BTD: variants seen among roughly 807,000 people sequenced by gnomAD.
BTD encodes the protein biotinidase, also known as biocytinase.
A neutral mutation model predicts 17.7 loss-of-function variants in BTD; 13 were observed. The observed-to-expected ratio is 0.74, with a 90% CI of 0.48 to 1.17. BTD has a LOEUF of 1.17. Ranked by LOEUF, BTD falls within the 50% of genes most tolerant of loss-of-function variation. The probability of loss-of-function intolerance (pLI) is 0.00; values close to 1 mark genes in which losing one functional copy is unlikely to be tolerated. For missense variants in BTD, 674 were observed against 650.4 expected, an observed-to-expected ratio of 1.04 and a Z score of -0.39; for synonymous variants, 240 against 245.2, an observed-to-expected ratio of 0.98 and a Z score of 0.20.
intron 3 of BTD, among the ~76,000 whole-genome samples, chr3:15,709,104 T>C (rs2071870209): frequency 6.6e-6 from 1 of 152,316 alleles, no homozygotes; most frequent in African/African-American, 2.4e-5. Context: ...GCCTGCTGAA[T>C]GACTACAAAG....
chr3:15,687,496 T>C (rs535187018), intron 3 of BTD, among the ~76,000 whole-genome samples: 2 of 152,286 alleles, frequency 1.3e-5, no homozygotes, highest in South Asian at 2.1e-4. Flanking sequence ...CCTGTTAATA[T>C]ATACAAAGTC....
Position 15,601,808 on chromosome 3 carries a change from C to A in BTD, c.-103C>A, listed in dbSNP as rs2064252443. On this transcript the variant is annotated 5_prime_UTR_variant, in exon 1 of 4. Coordinates refer to ENST00000643237, the MANE Select transcript of BTD (RefSeq NM_001370658.1). ...ACTCTGAGGCCTCTCGCCATTGTCT[C>A]CGAGTCGGCCAGCTGGAGCGTTTTC... is the stretch of plus-strand genomic sequence containing the variant. 1 of 1,614,116 alleles carries A rather than the reference C, an allele frequency of 6.2e-7. No homozygotes were observed. The highest frequency in any genetic ancestry group is 8.5e-7 in the Non-Finnish European group (1 of 1,180,024).
chr3:15,712,239 A>C, exon 4 of BTD: 2 of 1,548,730 alleles, frequency 1.3e-6, no homozygotes, highest in Non-Finnish European at 1.8e-6. Flanking sequence ...TTAATAGAAC[A>C]GGACAGTATC....
chr3:15,661,280 A>G (rs1469236099), intron 3 of BTD, among the ~76,000 whole-genome samples: 2 of 149,042 alleles, frequency 1.3e-5, no homozygotes, highest in Admixed American at 6.7e-5. Context: ...AAAAAAAAAA[A>G]AAAAAAAAAA....
intron 1 of BTD, among the ~76,000 whole-genome samples, chr3:15,605,247 A>G (rs1255217082): frequency 6.6e-6 from 1 of 152,230 alleles, no homozygotes; most frequent in East Asian, 1.9e-4. Flanking sequence ...GTGGAAGATG[A>G]AGGAGGAGCA....
exon 4 of BTD, chr3:15,711,138 A>G (rs1575313757): frequency 7.7e-7 from 1 of 1,301,156 alleles, no homozygotes; most frequent in East Asian, 2.4e-5. Flanking sequence ...TTAATAAAAA[A>G]GAACAAAGAT....
intron 3 of BTD, among the ~76,000 whole-genome samples, chr3:15,705,836 T>C (rs960455855): frequency 4.0e-5 from 6 of 150,174 alleles, no homozygotes; most frequent in African/African-American, 1.2e-4. Context: ...CTGTCTCTAC[T>C]AAAATTACAA....
intron 3 of BTD, among the ~76,000 whole-genome samples, chr3:15,664,160 C>T (rs1230996942): frequency 6.6e-6 from 1 of 152,200 alleles, no homozygotes; most frequent in African/African-American, 2.4e-5. Context: ...GTGTTAAGCA[C>T]AACTATGTCC....
chr3:15,608,206 A>C (rs1020929485), intron 1 of BTD, among the ~76,000 whole-genome samples: 2 of 152,224 alleles, frequency 1.3e-5, no homozygotes, highest in Non-Finnish European at 2.9e-5. Flanking sequence ...CTACATTTTA[A>C]TGCCAGGGAG....
chr3:15,632,348 T>G (rs1246038222), intron 1 of BTD, among the ~76,000 whole-genome samples: 1 of 152,184 alleles, frequency 6.6e-6, no homozygotes, highest in Non-Finnish European at 1.5e-5. Flanking sequence ...TGGCCCACAG[T>G]TGGGAATTGC....
At position 15,645,283 on chromosome 3, in the gene BTD, C is replaced by T. The variant is rs2125506138; in HGVS notation, c.1367C>T (p.Thr456Ile). The change falls in exon 4 of 4, where the codon ACA becomes ATA. Residue 456 changes from threonine to isoleucine, a missense_variant. Physicochemically the swap from Thr to Ile is moderately conservative, Grantham distance 89. Coordinates refer to ENST00000643237, the MANE Select transcript of BTD (RefSeq NM_001370658.1). ...LGFDTCGQEITEATGIFEFHL... is the reference protein window; with the variant it reads ...LGFDTCGQEIIEATGIFEFHL... ...TTCGACACCTGTGGACAGGAAATCA[C>T]AGAGGCCACGGGGATATTTGAGTTT... is the stretch of plus-strand genomic sequence containing the variant. 1 of 1,614,202 alleles carries T rather than the reference C, an allele frequency of 6.2e-7. No individual in the cohort carries two copies. The highest frequency in any genetic ancestry group is 1.3e-5 in the African/African-American group (1 of 75,050).
At position 15,644,510 on chromosome 3, in the gene BTD, G is replaced by A. The variant is rs397514379; in HGVS notation, c.594G>A (p.Glu198=). Residue 198 remains glutamate, a synonymous_variant, in exon 4 of 4, where the codon GAG becomes GAA. Transcript: ENST00000643237. ...ACCGTAAACACAACCTCTACTTTGA[G>A]GCAGCATTCGATGTTCCTCTTAAAG... The part of the protein sequence containing the change: ...DRYRKHNLYF[E]AAFDVPLKVD... 1.9e-6 allele frequency: 3 copies of A among 1,614,076 alleles called. No homozygotes were observed. The highest frequency in any genetic ancestry group is 1.7e-5 in the Admixed American group (1 of 60,002).
chr3:15,705,534 T>C (rs1455526201), intron 3 of BTD, among the ~76,000 whole-genome samples: 1 of 152,190 alleles, frequency 6.6e-6, no homozygotes, highest in Non-Finnish European at 1.5e-5. Context: ...AGCAAATCAA[T>C]AAATCAAACC....
At chr3:15,689,303 C>T (rs1194594695) in intron 3 of BTD, among the ~76,000 whole-genome samples, 1 of 152,192 alleles carries the variant, frequency 6.6e-6, no homozygotes, top group Non-Finnish European at 1.5e-5. Flanking sequence ...CCTGCCCTAC[C>T]TAAGCTTTGA....
intron 1 of BTD, among the ~76,000 whole-genome samples, chr3:15,621,465 A>G (rs983359948): frequency 2.0e-5 from 3 of 152,186 alleles, no homozygotes; most frequent in Non-Finnish European, 4.4e-5. Flanking sequence ...ACCCACCTGG[A>G]CTGGGTGATC....
chr3:15,710,146 A>C (rs948061938), exon 4 of BTD, among the ~76,000 whole-genome samples: 3 of 151,950 alleles, frequency 2.0e-5, no homozygotes, highest in African/African-American at 7.3e-5. Flanking sequence ...GCGATCCTCC[A>C]AGTCTCAGCC....
chr3:15,612,388 A>G (rs997222879), intron 1 of BTD, among the ~76,000 whole-genome samples: 1 of 152,218 alleles, frequency 6.6e-6, no homozygotes, highest in African/African-American at 2.4e-5. Flanking sequence ...GGCATAATAT[A>G]TAATTTCTGG....
chr3:15,601,901 A>C lies in BTD; in HGVS notation c.-17+7A>C, dbSNP rs1453269936. On this transcript the variant is annotated splice_region_variant and intron_variant, in intron 1 of 3. Transcript: ENST00000643237. ...GAAGGCGCGCTAAGAGCAGGTACGG[A>C]GGGGGCGTGGTGCGGCGCGGAGGGG... 3 of 1,613,382 alleles carry C rather than the reference A, an allele frequency of 1.9e-6. No individual in the cohort carries two copies. The African/African-American group carries it at 4.0e-5, about 22-fold the overall frequency.
chr3:15,710,126 C>T (rs895123974), exon 4 of BTD, among the ~76,000 whole-genome samples: 9 of 151,960 alleles, frequency 5.9e-5, no homozygotes, highest in African/African-American at 2.2e-4. Context: ...CCTCCAACTC[C>T]TGGATATAAG....
Sources: allele counts gnomAD v4.1 joint callset (sites outside exome capture counted in the v4.1 genomes callset), GRCh38; gene constraint gnomAD v4.1.1; transcripts MANE v1.5; gene names NCBI Gene and HGNC (gene_info 2026-07-23, HGNC 2026-07-21).